UNC79: variants seen among roughly 807,000 people sequenced by gnomAD.
UNC79 encodes protein unc-79 homolog.
In UNC79, 37 loss-of-function variants were observed where a neutral mutation model predicts 283.1. That is an observed-to-expected ratio of 0.13 (90% CI 0.10 to 0.17). UNC79 has a LOEUF of 0.17. Among genes scored for constraint, UNC79 ranks in the 10% least tolerant of loss-of-function variants. The pLI is 1.00. For synonymous variants in UNC79, 1,107 were observed against 1,200.2 expected (o/e 0.92, Z 1.61); for missense variants, 2,272 against 3,211.1 (o/e 0.71, Z 7.07).
intron 4 of UNC79, among the ~76,000 whole-genome samples, chr14:93,478,719 G>A (rs1031566508): frequency 2.6e-5 from 4 of 152,122 alleles, no homozygotes; most frequent in South Asian, 2.1e-4. Context: ...CTTGCTTCTC[G>A]CCTTCTCTCA....
chr14:93,460,844 G>A (rs937740904), intron 1 of UNC79, among the ~76,000 whole-genome samples: 21 of 152,282 alleles, frequency 1.4e-4, no homozygotes, highest in African/African-American at 4.6e-4. Flanking sequence ...GAGCAGTATA[G>A]TGAGACTCTG....
intron 1 of UNC79, among the ~76,000 whole-genome samples, chr14:93,418,767 G>A (rs2055523541): frequency 6.6e-6 from 1 of 151,834 alleles, no homozygotes; most frequent in South Asian, 2.1e-4. Context: ...CTTGCAGTTT[G>A]ATCTCAGACT....
rs1595110587 is a variant in UNC79 at position 93,694,220 on chromosome 14, C to T, written c.7471-115C>T. Reference sequence around the variant, plus strand: ...ACCACTGCCAGTGGTCTCCTACGGTCATTACACAGAAAGACCTCATGGGCA... The same window carrying T: ...ACCACTGCCAGTGGTCTCCTACGGTTATTACACAGAAAGACCTCATGGGCA... On this transcript the variant is annotated intron_variant, in intron 46 of 48. Coordinates refer to ENST00000555664, the Ensembl canonical transcript of UNC79. 2.4e-5 allele frequency: 20 copies of T among 830,244 alleles called. No homozygotes were observed. The South Asian group carries it at 3.5e-4, about 15-fold the overall frequency. 51.4% of individuals were successfully genotyped at this position (830,244 alleles called of 1,614,324 possible). A position where few individuals can be genotyped will look rare whatever the true frequency, so the allele number is the denominator to read the frequency against.
chr14:93,579,069 C>T (rs569693905), intron 18 of UNC79, among the ~76,000 whole-genome samples: 18 of 152,158 alleles, frequency 1.2e-4, no homozygotes, highest in African/African-American at 4.1e-4. Context: ...TGGACTGTCC[C>T]TCAATTTGAG....
intron 22 of UNC79, among the ~76,000 whole-genome samples, chr14:93,588,479 A>G (rs10132385): frequency 1 from 152,230 of 152,240 alleles, 76,110 homozygotes; most frequent in Middle Eastern, 1. Context: ...GATGGCTCAT[A>G]CCTGTAATCC....
intron 1 of UNC79, among the ~76,000 whole-genome samples, chr14:93,412,310 A>G (rs1009251552): frequency 6.6e-6 from 1 of 152,248 alleles, no homozygotes; most frequent in East Asian, 2.0e-4. Context: ...AAAAGGTCAA[A>G]TCTAACAGTT....
chr14:93,490,801 A>G (rs572106315), intron 5 of UNC79, among the ~76,000 whole-genome samples: 1 of 152,256 alleles, frequency 6.6e-6, no homozygotes, highest in African/African-American at 2.4e-5. Flanking sequence ...ATTCATGGCA[A>G]TATAGGCTTT....
intron 31 of UNC79, among the ~76,000 whole-genome samples, chr14:93,632,599 C>A (rs1296837063): frequency 6.6e-6 from 1 of 150,898 alleles, no homozygotes; most frequent in African/African-American, 2.4e-5. Flanking sequence ...CTGGGGAGGG[C>A]AAAGTGGGAG....
At chr14:93,533,132 GAA>G (rs961018314) in intron 11 of UNC79, among the ~76,000 whole-genome samples, 5 of 151,774 alleles carry the variant, frequency 3.3e-5, no homozygotes, top group African/African-American at 1.2e-4. Flanking sequence ...TTTAATAATT[GAA>G]AAGAGTAAGA....
intron 1 of UNC79, among the ~76,000 whole-genome samples, chr14:93,354,101 CAGAA>C (rs760675949): frequency 4.1e-4 from 62 of 152,160 alleles, no homozygotes; most frequent in Non-Finnish European, 7.6e-4. Context: ...AAATTTTAGG[CAGAA>C]AGAACATCAT....
In UNC79 at chr14:93,519,054, G is replaced by C. The variant is rs1165710230; in HGVS notation, c.899-4924G>C. Among the ~76,000 whole-genome samples, 3 of 151,862 alleles carry C rather than the reference G, an allele frequency of 2.0e-5. No individual in the cohort carries two copies. The East Asian group carries it at 5.8e-4, about 29-fold the overall frequency. On this transcript the variant is annotated intron_variant, in intron 7 of 48. Transcript: ENST00000555664. ...ATAAAATAGGTTAAGTTGTTTGAGA[G>C]TGTTTTCAAGTCTTATATATTTGCT...
intron 1 of UNC79, among the ~76,000 whole-genome samples, chr14:93,432,727 C>T (rs1209801886): frequency 6.6e-6 from 1 of 152,134 alleles, no homozygotes; most frequent in Non-Finnish European, 1.5e-5. Context: ...TGTAGAACCT[C>T]CCACTTGAGA....
Position 93,430,948 on chromosome 14 carries a change from T to A in UNC79, c.-82T>A. On this transcript the variant is annotated 5_prime_UTR_variant, in exon 1 of 49. Transcript: ENST00000555664. This position sits in a 1 kb window ranked among gnomAD's most constrained non-coding sequence, Gnocchi z 4.6. ...GTGGGGGGTGGGGGGTATGCACTCT[T>A]TTCCTCGCAACATCGCTGGCGGAGC... is the stretch of plus-strand genomic sequence containing the variant. 1 of 670,436 alleles carries A rather than the reference T, an allele frequency of 1.5e-6. No individual in the cohort carries two copies. The highest frequency in any genetic ancestry group is 2.1e-5 in the Admixed American group (1 of 48,640). The allele number at this position is 670,436 out of a possible 1,614,324, so 41.5% of individuals were successfully genotyped here. A position where few individuals can be genotyped will look rare whatever the true frequency, so the allele number is the denominator to read the frequency against.
intron 27 of UNC79, among the ~76,000 whole-genome samples, chr14:93,613,708 C>T (rs2066480037): frequency 1.3e-5 from 2 of 152,172 alleles, no homozygotes; most frequent in Admixed American, 6.5e-5. Context: ...GCCACTGCGC[C>T]CGGCCAGTAT....
At chr14:93,604,792 A>G in intron 26 of UNC79, 104 bp from the exon 27 acceptor site, 1 of 1,185,054 alleles carries the variant, frequency 8.4e-7, no homozygotes, top group East Asian at 2.9e-5. Flanking sequence ...AAATAGAAAA[A>G]TGAAACCTGC....
At chr14:93,342,771 G>C (rs574257499) in intron 1 of UNC79, among the ~76,000 whole-genome samples, 2 of 152,306 alleles carry the variant, frequency 1.3e-5, no homozygotes, top group East Asian at 3.9e-4. Context: ...TTGCTGCTCG[G>C]AAATTTCTTC....
At chr14:93,343,896 C>A (rs914650137) in intron 1 of UNC79, among the ~76,000 whole-genome samples, 5 of 152,008 alleles carry the variant, frequency 3.3e-5, no homozygotes, top group African/African-American at 9.7e-5. Flanking sequence ...GAATCCCAGC[C>A]CACTAAACCC....
rs562919418 is a variant in UNC79 at position 93,517,243 on chromosome 14, TTC to T, written c.899-6731_899-6730del. On this transcript the variant is annotated intron_variant, in intron 7 of 48. Coordinates refer to ENST00000555664, the Ensembl canonical transcript of UNC79. ...TCCCTTCCTTCTTTCCTTCCTTCCT[TTC>T]TCTTTCTTTTTCTCCTCTTTTCCTT... Among the ~76,000 whole-genome samples the T allele has an allele frequency of 5.8e-3, 863 of 148,774 alleles. 3 individuals are homozygous for T. Among genetic ancestry groups the T allele is most frequent in the Non-Finnish European group, 9.9e-3 (662 of 67,048 alleles).
At chr14:93,496,939 T>G (rs2059040578) in intron 6 of UNC79, among the ~76,000 whole-genome samples, 2 of 152,348 alleles carry the variant, frequency 1.3e-5, no homozygotes, top group South Asian at 4.1e-4. Flanking sequence ...ACTCTACCTG[T>G]GAGGGCTCAT....
Sources: allele counts gnomAD v4.1 joint callset (sites outside exome capture counted in the v4.1 genomes callset), GRCh38; gene constraint gnomAD v4.1.1; non-coding constraint Gnocchi (gnomAD v3.1); transcripts MANE v1.5; gene names NCBI Gene and HGNC (gene_info 2026-07-23, HGNC 2026-07-21).